The following LPL variants were observed in gnomAD, a reference collection of about 807,000 sequenced individuals.
The protein encoded by LPL is lipoprotein lipase, also known as phospholipase A1.
Under a neutral mutation model 52.2 loss-of-function variants are expected in LPL, and 43 were observed. The observed-to-expected ratio is 0.82, with a 90% confidence interval of 0.64 to 1.06. The LOEUF (loss-of-function observed/expected upper bound fraction) is 1.06. Among genes scored for constraint, LPL ranks in the 50% least tolerant of loss-of-function variants. The pLI is 0.00. For synonymous variants in LPL, 244 were observed against 215.6 expected (o/e 1.13, Z -1.15); for missense variants, 639 against 585.3 (o/e 1.09, Z -0.95).
At chr8:19,957,871 C>T (rs1430526446) in intron 6 of LPL, among the ~76,000 whole-genome samples, 2 of 151,896 alleles carry the variant, frequency 1.3e-5, no homozygotes, top group Non-Finnish European at 2.9e-5. Flanking sequence ...AACCATCAGT[C>T]TTAAGAGATC....
At position 19,944,699 on chromosome 8, in the gene LPL, C is replaced by A. The variant is rs1166392049; in HGVS notation, c.89-3481C>A. Among the ~76,000 whole-genome samples the A allele has an allele frequency of 6.6e-6, 1 of 152,186 alleles. No homozygotes were observed. The highest frequency in any genetic ancestry group is 1.5e-5 in the Non-Finnish European group (1 of 68,036). Reference sequence around the variant, plus strand: ...TATCTTTCTCTACGTGCTTTAACTTCTCAGCCTAATTTCGTCTCTGTGAGT... The same window carrying A: ...TATCTTTCTCTACGTGCTTTAACTTATCAGCCTAATTTCGTCTCTGTGAGT... On this transcript the variant is annotated intron_variant, in intron 1 of 9. Coordinates refer to ENST00000650287, the MANE Select transcript of LPL (RefSeq NM_000237.3). The surrounding 1 kb of genome is among the most constrained non-coding windows in gnomAD (Gnocchi z 4.2).
In LPL at chr8:19,939,840, G is replaced by A. The variant is rs1056179669; in HGVS notation, c.88+312G>A. Among the ~76,000 whole-genome samples, 1 of 152,202 alleles carries A rather than the reference G, an allele frequency of 6.6e-6. No individual in the cohort carries two copies. The highest frequency in any genetic ancestry group is 1.5e-5 in the Non-Finnish European group (1 of 68,024). On this transcript the variant is annotated intron_variant, in intron 1 of 9. Coordinates refer to ENST00000650287, the MANE Select transcript of LPL (RefSeq NM_000237.3). The surrounding 1 kb of genome is among the most constrained non-coding windows in gnomAD (Gnocchi z 4.0). Reference sequence around the variant, plus strand: ...CAGGCTCCGCCGGGGAGGTTCCGGGGTGTGGGGGCCGGGACGGCGGAGGCG... The same window carrying A: ...CAGGCTCCGCCGGGGAGGTTCCGGGATGTGGGGGCCGGGACGGCGGAGGCG...
rs1443773597 is a variant in LPL at position 19,951,828 on chromosome 8, A to G, written c.309A>G (p.Glu103=). 3 of 1,614,134 alleles carry G rather than the reference A, an allele frequency of 1.9e-6. No homozygotes were observed. The highest frequency in any genetic ancestry group is 4.5e-5 in the East Asian group (2 of 44,856). ...PKLVAALYKR[E]PDSNVIVVDW... is the part of the protein sequence containing the mutation. ...TTGTGGCCGCCCTGTACAAGAGAGA[A>G]CCAGACTCCAATGTCATTGTGGTGG... The change falls in exon 3 of 10, where the codon GAA becomes GAG. Residue 103 remains glutamate, a synonymous_variant. Transcript: ENST00000650287.
Position 19,961,018 on chromosome 8 carries a change from C to T in LPL, c.1257C>T (p.Asp419=), listed in dbSNP as rs780861348. The change falls in exon 8 of 10, where the codon GAC becomes GAT. Residue 419 remains aspartate, a synonymous_variant. Coordinates refer to ENST00000650287, the MANE Select transcript of LPL (RefSeq NM_000237.3). ...WKSDSYFSWS[D]WWSSPGFAIQ... Reference sequence around the variant, plus strand: ...GTGATTCATACTTTAGCTGGTCAGACTGGTGGAGCAGTCCCGGCTTCGCCA... The same window carrying T: ...GTGATTCATACTTTAGCTGGTCAGATTGGTGGAGCAGTCCCGGCTTCGCCA... 6.1e-5 allele frequency: 98 copies of T among 1,614,024 alleles called. No individual in the cohort carries two copies. Among genetic ancestry groups the T allele is most frequent in the Non-Finnish European group, 8.1e-5 (95 of 1,180,022 alleles).
chr8:19,950,193 G>C lies in LPL; in HGVS notation c.250-1576G>C, dbSNP rs1307784870. Among the ~76,000 whole-genome samples the C allele has an allele frequency of 6.6e-6, 1 of 152,200 alleles. No homozygotes were observed. Among genetic ancestry groups the C allele is most frequent in the African/African-American group, 2.4e-5 (1 of 41,450 alleles). On this transcript the variant is annotated intron_variant, in intron 2 of 9. Coordinates refer to ENST00000650287, the MANE Select transcript of LPL (RefSeq NM_000237.3). The surrounding 1 kb of genome is among the most constrained non-coding windows in gnomAD (Gnocchi z 4.2). Reference sequence around the variant, plus strand: ...ATTATCTCAGTGAACTCACTGGCAGGGTCAGGTGGCCCACCTGGTATAGGC... The same window carrying C: ...ATTATCTCAGTGAACTCACTGGCAGCGTCAGGTGGCCCACCTGGTATAGGC...
At chr8:19,957,235 G>C (rs893989088) in intron 6 of LPL, among the ~76,000 whole-genome samples, 5 of 152,192 alleles carry the variant, frequency 3.3e-5, no homozygotes, top group Admixed American at 1.3e-4. Flanking sequence ...GAAAATGAGA[G>C]AGGAGGTCTT....
At position 19,965,392 on chromosome 8, in the gene LPL, A is replaced by G. The variant is rs2070077085; in HGVS notation, c.*82A>G. 1 of 777,994 alleles carries G rather than the reference A, an allele frequency of 1.3e-6. No individual in the cohort carries two copies. Among genetic ancestry groups the G allele is most frequent in the East Asian group, 2.4e-5 (1 of 41,194 alleles). 48.2% of individuals were successfully genotyped at this position (777,994 alleles called of 1,614,324 possible). A position where few individuals can be genotyped will look rare whatever the true frequency, so the allele number is the denominator to read the frequency against. On this transcript the variant is annotated 3_prime_UTR_variant, in exon 10 of 10. Coordinates refer to ENST00000650287, the MANE Select transcript of LPL (RefSeq NM_000237.3). Reference sequence around the variant, plus strand: ...GGAGGAAGTAACTTTTACAAAACATACCCAGTGTTTGGGGTGTTTCAAAAG... The same window carrying G: ...GGAGGAAGTAACTTTTACAAAACATGCCCAGTGTTTGGGGTGTTTCAAAAG...
At chr8:19,946,031 G>A (rs775442395) in intron 1 of LPL, among the ~76,000 whole-genome samples, 3 of 152,166 alleles carry the variant, frequency 2.0e-5, no homozygotes, top group Admixed American at 6.5e-5. Flanking sequence ...TAGATTAAAA[G>A]TATTCAATAC....
chr8:19,960,169 A>C (rs2070025296), intron 7 of LPL, among the ~76,000 whole-genome samples: 1 of 152,212 alleles, frequency 6.6e-6, no homozygotes, highest in Non-Finnish European at 1.5e-5. Context: ...ATCTTTAAAA[A>C]TAGCCAGTGC....
chr8:19,939,353 C>A lies in LPL; in HGVS notation c.-88C>A. 2.3e-6 allele frequency: 3 copies of A among 1,330,922 alleles called. No homozygotes were observed. The highest frequency in any genetic ancestry group is 1.3e-5 in the South Asian group (1 of 79,638). 82.4% of individuals were successfully genotyped at this position (1,330,922 alleles called of 1,614,324 possible). A position where few individuals can be genotyped will look rare whatever the true frequency, so the allele number is the denominator to read the frequency against. Reference sequence around the variant, plus strand: ...AAGGGCGACTTGCTCAGCGCCAAACCGCGGCTCCAGCCCTCTCCAGCCTCC... The same window carrying A: ...AAGGGCGACTTGCTCAGCGCCAAACAGCGGCTCCAGCCCTCTCCAGCCTCC... On this transcript the variant is annotated 5_prime_UTR_variant, in exon 1 of 10. Coordinates refer to ENST00000650287, the MANE Select transcript of LPL (RefSeq NM_000237.3). This position sits in a 1 kb window ranked among gnomAD's most constrained non-coding sequence, Gnocchi z 4.0.
intron 6 of LPL, among the ~76,000 whole-genome samples, chr8:19,958,000 AT>A (rs1411950901): frequency 1.4e-5 from 2 of 147,368 alleles, no homozygotes; most frequent in Non-Finnish European, 3.0e-5. Flanking sequence ...TTATTTATTT[AT>A]TTATTTATTT....
rs972978201 is a variant in LPL at position 19,966,729 on chromosome 8, T to C, written c.*1419T>C. The C allele has an allele frequency of 6.6e-6, 1 of 152,182 alleles. No homozygotes were observed. The highest frequency in any genetic ancestry group is 2.4e-5 in the African/African-American group (1 of 41,434). The allele number at this position is 152,182 out of a possible 1,614,324, so 9.4% of individuals were successfully genotyped here. A position where few individuals can be genotyped will look rare whatever the true frequency, so the allele number is the denominator to read the frequency against. On this transcript the variant is annotated 3_prime_UTR_variant, in exon 10 of 10. Transcript: ENST00000650287. Reference sequence around the variant, plus strand: ...ATGTCGGAGTAGAAATTGTTCCTGATGTGCCAGAACTTCGACCCTTTCTCT... The same window carrying C: ...ATGTCGGAGTAGAAATTGTTCCTGACGTGCCAGAACTTCGACCCTTTCTCT...
At chr8:19,964,430 T>C (rs1321856702) in intron 9 of LPL, among the ~76,000 whole-genome samples, 2 of 152,346 alleles carry the variant, frequency 1.3e-5, no homozygotes, top group South Asian at 4.1e-4. Flanking sequence ...TACAAGACTT[T>C]ATCTGAGAAA....
intron 3 of LPL, among the ~76,000 whole-genome samples, chr8:19,952,606 T>C (rs2069945510): frequency 6.6e-6 from 1 of 152,260 alleles, no homozygotes; most frequent in African/African-American, 2.4e-5. Flanking sequence ...TAATTGGAAG[T>C]AAAAAATAAG....
intron 2 of LPL, among the ~76,000 whole-genome samples, chr8:19,949,115 G>A (rs2069909713): frequency 6.6e-6 from 1 of 152,172 alleles, no homozygotes; most frequent in Non-Finnish European, 1.5e-5. Context: ...TCAATCCCAA[G>A]TGAGTAGACT....
At position 19,955,955 on chromosome 8, in the gene LPL, T is replaced by C; in HGVS notation, c.890T>C (p.Phe297Ser). The C allele has an allele frequency of 6.2e-7, 1 of 1,614,110 alleles. No homozygotes were observed. The highest frequency in any genetic ancestry group is 8.5e-7 in the Non-Finnish European group (1 of 1,180,026). ...TACAGGTGCAGTTCCAAGGAAGCCT[T>C]TGAGAAAGGGCTCTGCTTGAGTTGT... is the stretch of plus-strand genomic sequence containing the variant. ...KAYRCSSKEA[F>S]EKGLCLSCRK... The change falls in exon 6 of 10, where the codon TTT (phenylalanine) becomes TCT (serine). Residue 297 changes from phenylalanine (F) to serine (S), a missense_variant. Phe to Ser is a radical substitution (Grantham distance 155). Coordinates refer to ENST00000650287, the MANE Select transcript of LPL (RefSeq NM_000237.3).
At chr8:19,953,877 A>G (rs2069959135) in intron 4 of LPL, among the ~76,000 whole-genome samples, 1 of 152,226 alleles carries the variant, frequency 6.6e-6, no homozygotes, top group African/African-American at 2.4e-5. Context: ...ATAATCTACA[A>G]AAGGAAATCC....
chr8:19,950,610 G>A lies in LPL; in HGVS notation c.250-1159G>A, dbSNP rs1563571428. Among the ~76,000 whole-genome samples, 2 of 152,238 alleles carry A rather than the reference G, an allele frequency of 1.3e-5. No homozygotes were observed. Among genetic ancestry groups the A allele is most frequent in the East Asian group, 1.9e-4 (1 of 5,164 alleles). On this transcript the variant is annotated intron_variant, in intron 2 of 9. Transcript: ENST00000650287. This position sits in a 1 kb window ranked among gnomAD's most constrained non-coding sequence, Gnocchi z 4.2. ...AGGTCAGGAGTTTGAGACCAACCTG[G>A]CCAACATGGGGAAACCCAATCTCTA...
rs1390518800 is a variant in LPL at position 19,966,254 on chromosome 8, A to T, written c.*944A>T. 1 of 152,186 alleles carries T rather than the reference A, an allele frequency of 6.6e-6. No individual in the cohort carries two copies. Among genetic ancestry groups the T allele is most frequent in the African/African-American group, 2.4e-5 (1 of 41,436 alleles). The allele number at this position is 152,186 out of a possible 1,614,324, so 9.4% of individuals were successfully genotyped here. On this transcript the variant is annotated 3_prime_UTR_variant, in exon 10 of 10. Coordinates refer to ENST00000650287, the MANE Select transcript of LPL (RefSeq NM_000237.3). ...TTGGTCATGCTTCAGTTGTACTTCC[A>T]GTGCGTCTCTTTTGTTCCTGGCTTT...
Sources: allele counts gnomAD v4.1 joint callset (sites outside exome capture counted in the v4.1 genomes callset), GRCh38; gene constraint gnomAD v4.1.1; non-coding constraint Gnocchi (gnomAD v3.1); transcripts MANE v1.5; gene names NCBI Gene and HGNC (gene_info 2026-07-23, HGNC 2026-07-21).